RFC1: variants seen among roughly 807,000 people sequenced by gnomAD.
RFC1 encodes replication factor C subunit 1.
A neutral mutation model predicts 137.4 loss-of-function variants in RFC1; 37 were observed. The ratio of observed to expected loss-of-function variants is 0.27; its 90% CI spans 0.21 to 0.35. The LOEUF is 0.35. Among genes scored for constraint, RFC1 ranks in the 10% least tolerant of loss-of-function variants. The probability of loss-of-function intolerance (pLI) is 1.00; values close to 1 mark genes in which losing one functional copy is unlikely to be tolerated. For synonymous variants in RFC1, 429 were observed against 455.7 expected (o/e 0.94, Z 0.75); for missense variants, 1,205 against 1,358.5 (o/e 0.89, Z 1.78).
rs761725232 is a variant in RFC1, at chr4:39,311,440, C to G, written c.1488+5G>C. 6.2e-7 allele frequency: 1 copy of G among 1,608,318 alleles called. No homozygotes were observed. Among genetic ancestry groups the G allele is most frequent in the Admixed American group, 1.7e-5 (1 of 59,896 alleles). On this transcript the variant is annotated splice_donor_5th_base_variant and intron_variant, in intron 12 of 24. Transcript: ENST00000349703. Reference sequence around the variant, plus strand: ...CAACTTAAATCACATTCATTTTATACGAACCTCAGTTTCAACTGCTATTTC... The same window carrying G: ...CAACTTAAATCACATTCATTTTATAGGAACCTCAGTTTCAACTGCTATTTC...
In RFC1 at chr4:39,358,272, C is replaced by A. The variant is rs552532468; in HGVS notation, c.4-6796G>T. The stretch of plus-strand genomic sequence containing the variant: ...CCTGGCCAAGAGCAAAATTCCGTTT[C>A]AAAAAAAAAGAAATTAAGTCCAAAC... On this transcript the variant is annotated intron_variant, in intron 1 of 24. Coordinates refer to ENST00000349703, the MANE Select transcript of RFC1 (RefSeq NM_002913.5). Among the ~76,000 whole-genome samples the A allele has an allele frequency of 2.7e-5, 4 of 149,488 alleles. No homozygotes were observed. The East Asian group carries it at 5.9e-4, about 22-fold the overall frequency.
chr4:39,350,356 A>G (rs1202884201), intron 2 of RFC1, among the ~76,000 whole-genome samples: 2 of 152,136 alleles, frequency 1.3e-5, no homozygotes, highest in African/African-American at 4.8e-5. Context: ...AATGTTCCCA[A>G]TTTTGATAAA....
intron 9 of RFC1, among the ~76,000 whole-genome samples, chr4:39,318,479 A>C (rs1418091609): frequency 2.0e-5 from 3 of 152,260 alleles, no homozygotes; most frequent in African/African-American, 7.2e-5. Flanking sequence ...TTTGAAGGAC[A>C]CCCACTTTAT....
Position 39,351,473 on chromosome 4 carries a change from T to C in RFC1, c.7A>G (p.Ile3Val), listed in dbSNP as rs1741198679. 1.3e-6 allele frequency: 2 copies of C among 1,549,048 alleles called. No homozygotes were observed. The highest frequency in any genetic ancestry group is 1.2e-5 in the South Asian group (1 of 81,236). Residue 3 changes from isoleucine (I) to valine (V), a missense_variant, in exon 2 of 25, where the codon ATT becomes GTT. Around this residue, in one of 3 missense-constraint regions of RFC1, gnomAD observed 962 missense variants for 1,035.3 expected, o/e 0.93. Coordinates refer to ENST00000349703, the MANE Select transcript of RFC1 (RefSeq NM_002913.5). MD[I>V]RKFFGVIPSG... ...GGTATTACTCCAAAGAATTTCCGAATGTCCTAAAAGCAAAAAACAGGAGAT... is the reference window on the plus strand; with the variant it reads ...GGTATTACTCCAAAGAATTTCCGAACGTCCTAAAAGCAAAAAACAGGAGAT...
chr4:39,340,261 A>AT (rs1740549917), intron 4 of RFC1, among the ~76,000 whole-genome samples: 1 of 152,242 alleles, frequency 6.6e-6, no homozygotes, highest in South Asian at 2.1e-4. Flanking sequence ...AAAGTATGCA[A>AT]TAATGAAGAA....
chr4:39,302,371 T>C lies in RFC1; in HGVS notation c.2442A>G (p.Leu814=). The C allele has an allele frequency of 6.2e-7, 1 of 1,610,130 alleles. No homozygotes were observed. Among genetic ancestry groups the C allele is most frequent in the Non-Finnish European group, 8.5e-7 (1 of 1,176,356 alleles). ...GTGCACACCACATACTCAGATTATG[T>C]AAAACCTAAAAGAATCACAAATAAG... ...LGANQDIRQV[L]HNLSMWCARS... is the part of the protein sequence containing the mutation. Residue 814 remains leucine, a synonymous_variant, in exon 19 of 25, where the codon TTA becomes TTG. Transcript: ENST00000349703.
In RFC1 at chr4:39,289,195, CTT is replaced by C. The variant is rs1050048003; in HGVS notation, c.3361-353_3361-352del. On this transcript the variant is annotated intron_variant, in intron 24 of 24. Coordinates refer to ENST00000349703, the MANE Select transcript of RFC1 (RefSeq NM_002913.5). ...GTAATGTTTAGATGAAGAATTTCCT[CTT>C]CTTTCAGTTTCAGATTAGAGGTGTA... Among the ~76,000 whole-genome samples the C allele has an allele frequency of 1.1e-3, 161 of 151,982 alleles. 14 individuals are homozygous for C. Among genetic ancestry groups the C allele is most frequent in the Non-Finnish European group, 8.8e-5 (6 of 68,034 alleles).
At chr4:39,364,729 T>A (rs1741935821) in intron 1 of RFC1, among the ~76,000 whole-genome samples, 2 of 152,164 alleles carry the variant, frequency 1.3e-5, no homozygotes, top group South Asian at 4.1e-4. Flanking sequence ...GCTTTACCTA[T>A]ACATCTTGCT....
At chr4:39,339,918 C>A (rs957429940) in intron 4 of RFC1, among the ~76,000 whole-genome samples, 1 of 152,018 alleles carries the variant, frequency 6.6e-6, no homozygotes, top group Non-Finnish European at 1.5e-5. Context: ...AGTAACTAAA[C>A]AAATACAAAA....
intron 15 of RFC1, 43 bp downstream of exon 15, chr4:39,304,771 T>A: frequency 9.1e-7 from 1 of 1,094,264 alleles, no homozygotes; most frequent in Non-Finnish European, 1.4e-6. Context: ...AATGAACATA[T>A]TTTTCTTATA....
intron 15 of RFC1, among the ~76,000 whole-genome samples, chr4:39,304,189 C>T (rs1738516577): frequency 6.6e-6 from 1 of 152,208 alleles, no homozygotes; most frequent in Non-Finnish European, 1.5e-5. Context: ...TAAATAGGCA[C>T]TGTGCGGTCC....
intron 11 of RFC1, 140 bp from the exon 12 acceptor site, chr4:39,311,689 GA>G (rs1738968164): frequency 5.3e-6 from 3 of 561,278 alleles, no homozygotes. Flanking sequence ...AATTAAAAAA[GA>G]AAAACAAAAA....
At chr4:39,326,677 AC>A in intron 5 of RFC1, 37 bp from the exon 6 acceptor site, 1 of 1,554,586 alleles carries the variant, frequency 6.4e-7, no homozygotes, top group Non-Finnish European at 8.8e-7. Context: ...ATCAGCATAA[AC>A]CTTAAGTTAA....
intron 14 of RFC1, among the ~76,000 whole-genome samples, chr4:39,305,563 G>C (rs771790548): frequency 1.3e-5 from 2 of 152,046 alleles, no homozygotes; most frequent in African/African-American, 2.4e-5. Flanking sequence ...AACCGAGACC[G>C]TGCCATTACA....
chr4:39,321,551 C>T (rs1739523117), intron 7 of RFC1, 177 bp from the exon 8 acceptor site: 1 of 558,586 alleles, frequency 1.8e-6, no homozygotes, highest in Non-Finnish European at 3.1e-6. Flanking sequence ...TATTTTATTA[C>T]TTCATGTTAC....
intron 4 of RFC1, among the ~76,000 whole-genome samples, chr4:39,330,169 C>T (rs1312646004): frequency 6.6e-6 from 1 of 152,136 alleles, no homozygotes; most frequent in Non-Finnish European, 1.5e-5. Flanking sequence ...ACTGCTCCCT[C>T]ATTCAACTAT....
chr4:39,297,737 T>C (rs1274870811), intron 21 of RFC1: 1 of 152,350 alleles, frequency 6.6e-6, no homozygotes, highest in Non-Finnish European at 1.5e-5. Context: ...GCTGGAATTA[T>C]AGTTTACATA....
At chr4:39,326,113 T>A (rs1478171664) in intron 6 of RFC1, among the ~76,000 whole-genome samples, 1 of 152,078 alleles carries the variant, frequency 6.6e-6, no homozygotes, top group African/African-American at 2.4e-5. Context: ...GGCAGGAGAA[T>A]CACTTGATTC....
At chr4:39,340,172 T>C (rs1419285429) in intron 4 of RFC1, among the ~76,000 whole-genome samples, 1 of 152,192 alleles carries the variant, frequency 6.6e-6, no homozygotes, top group Non-Finnish European at 1.5e-5. Flanking sequence ...TTAAACAGTA[T>C]ACATGCTATG....
Sources: gnomAD v4.1 joint callset for allele counts (sites outside exome capture counted in the v4.1 genomes callset) on GRCh38, gnomAD v4.1.1 for gene constraint, gnomAD v4.1.1 regional missense constraint, MANE v1.5 for transcripts, NCBI Gene and HGNC (gene_info 2026-07-23, HGNC 2026-07-21) for gene names.